The following NEMP2 variants were observed in gnomAD, a reference collection of about 807,000 sequenced individuals.
NEMP2 encodes nuclear envelope integral membrane protein 2, also known as UPF0571 transmembrane protein.
NEMP2 carries 53 observed loss-of-function variants against 54.2 expected under a neutral mutation model. The observed-to-expected ratio is 0.98, with a 90% CI of 0.78 to 1.23. NEMP2 has a LOEUF of 1.23. Ranked by LOEUF, NEMP2 falls within the 50% of genes most tolerant of loss-of-function variation. The pLI, the probability that NEMP2 is intolerant of heterozygous loss-of-function variation, is 0.00. For synonymous variants in NEMP2, 197 were observed against 190.3 expected, an observed-to-expected ratio of 1.04 and a Z score of -0.29; for missense variants, 455 against 511.3, an observed-to-expected ratio of 0.89 and a Z score of 1.06.
At chr2:190,579,096 A>G in the NEMP2 span, among the ~76,000 whole-genome samples, 10 of 147,266 alleles carry the variant, frequency 6.8e-5, no homozygotes, top group Admixed American at 4.0e-4. Flanking sequence ...ATAGAACTGT[A>G]AGTTAGAAAT....
the NEMP2 span, among the ~76,000 whole-genome samples, chr2:190,645,985 G>A: frequency 6.6e-6 from 1 of 152,202 alleles, no homozygotes; most frequent in Non-Finnish European, 1.5e-5. Flanking sequence ...ACTTGTCTTT[G>A]TGTTCCAAGC....
chr2:190,571,772 T>C, the NEMP2 span, among the ~76,000 whole-genome samples: 1 of 152,182 alleles, frequency 6.6e-6, no homozygotes, highest in East Asian at 1.9e-4. Context: ...TTGGCAAAAT[T>C]GAACAATAAC....
In NEMP2 at chr2:190,519,306, G is replaced by C; in HGVS notation, c.214-123C>G. On this transcript the variant is annotated intron_variant, in intron 2 of 8. Transcript: ENST00000409150. This position sits in a 1 kb window ranked among gnomAD's most constrained non-coding sequence, Gnocchi z 5.4. ...GCAGGATCTCTGCTCACTGCAACCT[G>C]TGCCTCCAGGGCTCAGGTGACCCTC... is the stretch of plus-strand genomic sequence containing the variant. The C allele has an allele frequency of 1.6e-5, 11 of 676,136 alleles. No individual in the cohort carries two copies. The highest frequency in any genetic ancestry group is 2.5e-5 in the Non-Finnish European group (10 of 404,852). The allele number at this position is 676,136 out of a possible 1,614,324, so 41.9% of individuals were successfully genotyped here. A position where few individuals can be genotyped will look rare whatever the true frequency, so the allele number is the denominator to read the frequency against.
At chr2:190,647,958 C>A in the NEMP2 span, among the ~76,000 whole-genome samples, 21 of 152,134 alleles carry the variant, frequency 1.4e-4, no homozygotes, top group African/African-American at 5.1e-4. Flanking sequence ...AGGTGATCCG[C>A]CCGCCTCGGC....
At chr2:190,432,305 G>T in the NEMP2 span, among the ~76,000 whole-genome samples, 2 of 152,240 alleles carry the variant, frequency 1.3e-5, no homozygotes, top group African/African-American at 2.4e-5. Flanking sequence ...GGGGAAAGGG[G>T]CCAAGGCTCA....
At chr2:190,601,403 T>C in the NEMP2 span, among the ~76,000 whole-genome samples, 1 of 152,048 alleles carries the variant, frequency 6.6e-6, no homozygotes, top group Non-Finnish European at 1.5e-5. The surrounding 1 kb of genome is among the most constrained non-coding windows in gnomAD (Gnocchi z 5.8). Flanking sequence ...TGGTGCCTTG[T>C]TATGGCCACC....
chr2:190,489,727 T>G, the NEMP2 span: 2 of 1,565,026 alleles, frequency 1.3e-6, no homozygotes, highest in Non-Finnish European at 8.8e-7. The surrounding 1 kb of genome is among the most constrained non-coding windows in gnomAD (Gnocchi z 6.6). Context: ...GCTATCTGCA[T>G]TTCTTGGAAT....
the NEMP2 span, among the ~76,000 whole-genome samples, chr2:190,458,482 G>C: frequency 6.6e-6 from 1 of 152,112 alleles, no homozygotes; most frequent in Non-Finnish European, 1.5e-5. This position sits in a 1 kb window ranked among gnomAD's most constrained non-coding sequence, Gnocchi z 5.3. Context: ...TCCCAGAACT[G>C]TGAGAAAATA....
the NEMP2 span, among the ~76,000 whole-genome samples, chr2:190,614,856 C>A: frequency 6.6e-6 from 1 of 152,194 alleles, no homozygotes; most frequent in African/African-American, 2.4e-5. The surrounding 1 kb of genome is among the most constrained non-coding windows in gnomAD (Gnocchi z 5.7). Context: ...TCCCAGCATA[C>A]AACCCAGTTA....
chr2:190,480,133 A>G, the NEMP2 span, among the ~76,000 whole-genome samples: 1 of 152,226 alleles, frequency 6.6e-6, no homozygotes, highest in African/African-American at 2.4e-5. Flanking sequence ...ACTGCATTCC[A>G]GCCTGGGTGA....
chr2:190,428,951 G>T, the NEMP2 span, among the ~76,000 whole-genome samples: 4 of 152,110 alleles, frequency 2.6e-5, no homozygotes, highest in Non-Finnish European at 5.9e-5. Context: ...GGGATTACAG[G>T]TGTGAGCCAC....
the NEMP2 span, chr2:190,477,369 A>G: frequency 1.0e-6 from 1 of 982,876 alleles, no homozygotes; most frequent in African/African-American, 1.7e-5. Context: ...AGACTCTATA[A>G]ATAAAGATTT....
chr2:190,530,974 G>T lies in NEMP2; in HGVS notation c.97+3585C>A, dbSNP rs565356903. Among the ~76,000 whole-genome samples, 1 of 152,232 alleles carries T rather than the reference G, an allele frequency of 6.6e-6. No homozygotes were observed. The highest frequency in any genetic ancestry group is 2.1e-4 in the South Asian group (1 of 4,824). On this transcript the variant is annotated intron_variant, in intron 1 of 8. Transcript: ENST00000409150. The surrounding 1 kb of genome is among the most constrained non-coding windows in gnomAD (Gnocchi z 4.6). ...AGGCCAGGAATTTGAGACCAGCCTG[G>T]GCAATATGGTGAAACCCTGTCTTTA... is the stretch of plus-strand genomic sequence containing the variant.
chr2:190,648,420 GACGCCTCGCCCCCCCGGGCAGGGGCGC>G, the NEMP2 span: 8 of 151,986 alleles, frequency 5.3e-5, no homozygotes, highest in South Asian at 1.5e-3. Flanking sequence ...CTTCCCGCCG[GACGCCTCGCCCCCCCGGGCAGGGGCGC>G]ACCTGGACCA....
At chr2:190,616,692 T>C in the NEMP2 span, among the ~76,000 whole-genome samples, 1 of 152,228 alleles carries the variant, frequency 6.6e-6, no homozygotes, top group Non-Finnish European at 1.5e-5. The surrounding 1 kb of genome is among the most constrained non-coding windows in gnomAD (Gnocchi z 5.1). Flanking sequence ...GATACAGGAC[T>C]CATGCTGAGT....
chr2:190,589,714 T>G, the NEMP2 span, among the ~76,000 whole-genome samples: 5 of 152,172 alleles, frequency 3.3e-5, no homozygotes, highest in Non-Finnish European at 7.4e-5. The surrounding 1 kb of genome is among the most constrained non-coding windows in gnomAD (Gnocchi z 4.3). Flanking sequence ...AGGAGGTTGC[T>G]CCACTCCATG....
chr2:190,542,914 T>A, the NEMP2 span, among the ~76,000 whole-genome samples: 1 of 152,196 alleles, frequency 6.6e-6, no homozygotes, highest in African/African-American at 2.4e-5. This position sits in a 1 kb window ranked among gnomAD's most constrained non-coding sequence, Gnocchi z 4.6. Flanking sequence ...TCTGGAGAGG[T>A]CATGGTTCCC....
At chr2:190,544,604 G>T in the NEMP2 span, among the ~76,000 whole-genome samples, 1 of 152,014 alleles carries the variant, frequency 6.6e-6, no homozygotes, top group Non-Finnish European at 1.5e-5. Flanking sequence ...TGACTATACT[G>T]TATTAGTGGT....
In NEMP2 at chr2:190,518,767, A is replaced by G. The variant is rs1219730025; in HGVS notation, c.487T>C (p.Phe163Leu). 4 of 1,546,550 alleles carry G rather than the reference A, an allele frequency of 2.6e-6. No homozygotes were observed. In the Admixed American group the frequency reaches 8.0e-5, roughly 31 times the overall value. Residue 163 changes from phenylalanine (F) to leucine (L), a missense_variant, in exon 4 of 9, where the codon TTT becomes CTT. By Grantham distance (22) the Phe-to-Leu change is conservative. Around this residue, in one of 3 missense-constraint regions of NEMP2, gnomAD observed 294 missense variants for 333.6 expected, o/e 0.88. Transcript: ENST00000409150. ...KLFLVFVAGV[F>L]LFFYARTLSQ... is the part of the protein sequence containing the mutation. ...AGGGTCCTTGCATAAAAGAAAAGAA[A>G]AACTCCTGCCACAAACACAAGGAAG... is the stretch of plus-strand genomic sequence containing the variant.
Sources: allele counts gnomAD v4.1 joint callset (sites outside exome capture counted in the v4.1 genomes callset), GRCh38; gene constraint gnomAD v4.1.1; regional missense constraint gnomAD v4.1.1; non-coding constraint Gnocchi (gnomAD v3.1); transcripts MANE v1.5; gene names NCBI Gene and HGNC (gene_info 2026-07-23, HGNC 2026-07-21).